Variants in SEC23IP observed in about 807,000 individuals in gnomAD.
SEC23IP encodes the protein SEC23 interacting protein.
Under a neutral mutation model 113.4 loss-of-function variants are expected in SEC23IP, and 70 were observed. That is an observed-to-expected ratio of 0.62 (90% CI 0.51 to 0.75). The LOEUF (loss-of-function observed/expected upper bound fraction) is 0.75. Ranked by LOEUF, SEC23IP falls within the 30% of genes least tolerant of loss-of-function variation. SEC23IP has a pLI of 0.00. For synonymous variants in SEC23IP, 398 were observed against 421.0 expected, an observed-to-expected ratio of 0.95 and a Z score of 0.67; for missense variants, 1,160 against 1,204.9, an observed-to-expected ratio of 0.96 and a Z score of 0.55.
Position 119,898,809 on chromosome 10 carries a change from A to G in SEC23IP, c.546A>G (p.Pro182=), listed in dbSNP as rs567147485. The G allele has an allele frequency of 5.6e-6, 9 of 1,614,156 alleles. No homozygotes were observed. Among genetic ancestry groups the G allele is most frequent in the African/African-American group, 4.0e-5 (3 of 75,052 alleles). Residue 182 remains proline, a synonymous_variant, in exon 2 of 19, where the codon CCA becomes CCG. Transcript: ENST00000369075. ...PQGIPQPGYN[P]YRHTPGSSRA... is the part of the protein sequence containing the mutation. ...GAATTCCCCAACCAGGATACAATCCATATCGCCATACCCCTGGCAGCAGCA... is the reference window on the plus strand; with the variant it reads ...GAATTCCCCAACCAGGATACAATCCGTATCGCCATACCCCTGGCAGCAGCA...
At chr10:119,911,607 C>T (rs926372820) in intron 5 of SEC23IP, among the ~76,000 whole-genome samples, 1 of 152,076 alleles carries the variant, frequency 6.6e-6, no homozygotes, top group Non-Finnish European at 1.5e-5. Flanking sequence ...TCCTGAGAAG[C>T]TGGTTCTGCA....
intron 8 of SEC23IP, among the ~76,000 whole-genome samples, chr10:119,917,110 C>T (rs1855076730): frequency 1.3e-5 from 2 of 152,216 alleles, no homozygotes; most frequent in Non-Finnish European, 2.9e-5. Flanking sequence ...CTCAAGCGGT[C>T]CTCCTGCCCT....
intron 13 of SEC23IP, among the ~76,000 whole-genome samples, 169 bp from the exon 14 acceptor site, chr10:119,929,438 G>T (rs1855521570): frequency 2.0e-5 from 3 of 152,086 alleles, no homozygotes; most frequent in Non-Finnish European, 4.4e-5. Flanking sequence ...GTTTCACTGT[G>T]TTAGCCAGGA....
Position 119,919,584 on chromosome 10 carries a change from T to C in SEC23IP, c.2013T>C (p.Asp671=), listed in dbSNP as rs1275391438. Residue 671 remains aspartate, a synonymous_variant, in exon 11 of 19, where the codon GAT becomes GAC. Transcript: ENST00000369075. ...GCACTTTTGAAAAGGAAAAGATTGA[T>C]ATGGAGTCCCTGGTACTGATCATAG... ...YFSTFEKEKI[D]MESLLMCTVD... is the part of the protein sequence containing the mutation. 6.2e-7 allele frequency: 1 copy of C among 1,612,480 alleles called. No homozygotes were observed. Among genetic ancestry groups the C allele is most frequent in the Non-Finnish European group, 8.5e-7 (1 of 1,179,526 alleles).
chr10:119,894,917 T>A lies in SEC23IP; in HGVS notation c.163+1972T>A, dbSNP rs551085631. Among the ~76,000 whole-genome samples, 611 of 151,668 alleles carry A rather than the reference T, an allele frequency of 4.0e-3. 5 individuals carry two copies. The highest frequency in any genetic ancestry group is 0.014 in the African/African-American group (575 of 41,234). ...CTGTGTGTGTGTGTGTGTGTGTGTG[T>A]GTGTGTGTGTGTGTGTGTGAATATT... On this transcript the variant is annotated intron_variant, in intron 1 of 18. Coordinates refer to ENST00000369075, the MANE Select transcript of SEC23IP (RefSeq NM_007190.4).
rs1273514364 is a variant in SEC23IP, at chr10:119,904,404, G to C, written c.1101+127G>C. ...ACAGCTTGTTTTGATGCTGTTCACA[G>C]AGAAGATTACTTTTTAAGTGGTGTC... On this transcript the variant is annotated intron_variant, in intron 4 of 18. Coordinates refer to ENST00000369075, the MANE Select transcript of SEC23IP (RefSeq NM_007190.4). The C allele has an allele frequency of 7.8e-6, 6 of 772,984 alleles. No individual in the cohort carries two copies. In the South Asian group the frequency reaches 8.8e-5, roughly 11 times the overall value. 47.9% of individuals were successfully genotyped at this position (772,984 alleles called of 1,614,324 possible).
At chr10:119,933,861 G>T in intron 18 of SEC23IP, 74 bp downstream of exon 18, 1 of 709,542 alleles carries the variant, frequency 1.4e-6, no homozygotes, top group South Asian at 2.6e-5. Flanking sequence ...AGTTGATGTT[G>T]ACTGATTTTG....
At chr10:119,895,742 T>A (rs1854260548) in intron 1 of SEC23IP, among the ~76,000 whole-genome samples, 1 of 152,092 alleles carries the variant, frequency 6.6e-6, no homozygotes, top group Admixed American at 6.5e-5. Flanking sequence ...ATCTTCAGAT[T>A]TGGCAGGAGT....
chr10:119,939,834 C>G (rs1855907936), intron 18 of SEC23IP, among the ~76,000 whole-genome samples: 1 of 151,918 alleles, frequency 6.6e-6, no homozygotes, highest in Admixed American at 6.6e-5. Flanking sequence ...AGGCTGGGAC[C>G]ACAGGTGTGC....
chr10:119,944,557 A>G lies in SEC23IP; in HGVS notation c.*3992A>G, dbSNP rs566124383. 2 of 152,350 alleles carry G rather than the reference A, an allele frequency of 1.3e-5. No homozygotes were observed. Among genetic ancestry groups the G allele is most frequent in the South Asian group, 2.1e-4 (1 of 4,820 alleles). The allele number at this position is 152,350 out of a possible 1,614,324, so 9.4% of individuals were successfully genotyped here. A position where few individuals can be genotyped will look rare whatever the true frequency, so the allele number is the denominator to read the frequency against. On this transcript the variant is annotated 3_prime_UTR_variant, in exon 19 of 19. Transcript: ENST00000369075. ...ACGCGAGGTTGGAAAGAACATCACA[A>G]CTGGGGCGACTGAAGAAATTATGTT... is the stretch of plus-strand genomic sequence containing the variant.
chr10:119,922,326 G>T lies in SEC23IP; in HGVS notation c.2121+1342G>T, dbSNP rs551929850. On this transcript the variant is annotated intron_variant, in intron 12 of 18. Transcript: ENST00000369075. Reference sequence around the variant, plus strand: ...AGCTGGAAACTGGGAAGGGCAGAGGGTTCCAAAGGCCCAGGTGGCAGGTGT... The same window carrying T: ...AGCTGGAAACTGGGAAGGGCAGAGGTTTCCAAAGGCCCAGGTGGCAGGTGT... 1.2e-4 allele frequency among the ~76,000 whole-genome samples: 18 copies of T among 152,238 alleles called. No homozygotes were observed. In the East Asian group the frequency reaches 3.5e-3, roughly 29 times the overall value.
In SEC23IP at chr10:119,943,797, A is replaced by G. The variant is rs1470452220; in HGVS notation, c.*3232A>G. On this transcript the variant is annotated 3_prime_UTR_variant, in exon 19 of 19. Coordinates refer to ENST00000369075, the MANE Select transcript of SEC23IP (RefSeq NM_007190.4). ...AATATATGAAATTTTATGATGACAC[A>G]TAAAACAGGCCAGGGGTTATTGAGG... 1 of 152,196 alleles carries G rather than the reference A, an allele frequency of 6.6e-6. No individual in the cohort carries two copies. The highest frequency in any genetic ancestry group is 2.4e-5 in the African/African-American group (1 of 41,438). The allele number at this position is 152,196 out of a possible 1,614,324, so 9.4% of individuals were successfully genotyped here. A position where few individuals can be genotyped will look rare whatever the true frequency, so the allele number is the denominator to read the frequency against.
intron 5 of SEC23IP, among the ~76,000 whole-genome samples, chr10:119,909,857 GC>G (rs1854802702): frequency 6.6e-6 from 1 of 152,214 alleles, no homozygotes; most frequent in African/African-American, 2.4e-5. Flanking sequence ...GCTCACTCCA[GC>G]CTGGGTGACA....
chr10:119,909,450 G>A (rs940108030), intron 5 of SEC23IP, among the ~76,000 whole-genome samples: 1 of 152,144 alleles, frequency 6.6e-6, no homozygotes, highest in African/African-American at 2.4e-5. Flanking sequence ...GCTGGGTGTA[G>A]TGGCACATGC....
intron 6 of SEC23IP, 142 bp downstream of exon 6, chr10:119,912,306 T>G: frequency 1.1e-6 from 1 of 943,612 alleles, no homozygotes; most frequent in Non-Finnish European, 1.6e-6. Context: ...CTAATATTTC[T>G]ATTTTTTGTA....
chr10:119,897,324 A>C (rs551266070), intron 1 of SEC23IP, among the ~76,000 whole-genome samples: 2 of 152,248 alleles, frequency 1.3e-5, no homozygotes, highest in East Asian at 3.8e-4. Context: ...AGATGCTTTT[A>C]TTTTACAACT....
chr10:119,915,299 A>G lies in SEC23IP; in HGVS notation c.1403-449A>G, dbSNP rs143056994. 2.2e-3 allele frequency among the ~76,000 whole-genome samples: 340 copies of G among 152,268 alleles called. 1 individual carries two copies. Among genetic ancestry groups the G allele is most frequent in the African/African-American group, 6.9e-3 (288 of 41,552 alleles). ...ACCCTCACAAATAAACCTTTGGGGT[A>G]TAGGCGCTGTCACTGTTATCGCCAC... is the stretch of plus-strand genomic sequence containing the variant. On this transcript the variant is annotated intron_variant, in intron 7 of 18. Transcript: ENST00000369075.
intron 3 of SEC23IP, among the ~76,000 whole-genome samples, chr10:119,903,744 G>A (rs904783593): frequency 6.6e-5 from 10 of 152,132 alleles, no homozygotes; most frequent in Admixed American, 2.0e-4. Flanking sequence ...ATTTTCTTGA[G>A]ACAGAGTCTC....
rs763678111 is a variant in SEC23IP at position 119,933,083 on chromosome 10, G to A, written c.2837G>A (p.Arg946His). ...LGKVGMLNGGRRIDYVLQEKP... is the reference protein window; with the variant it reads ...LGKVGMLNGGHRIDYVLQEKP... ...AAGGTTGGAATGTTAAATGGAGGCC[G>A]CCGAATTGACTACGTTCTCCAAGAA... The change falls in exon 17 of 19, where the codon CGC (arginine) becomes CAC (histidine). Residue 946 changes from arginine to histidine, a missense_variant. Arg to His is a conservative substitution (Grantham distance 29). Coordinates refer to ENST00000369075, the MANE Select transcript of SEC23IP (RefSeq NM_007190.4). 10 of 1,613,668 alleles carry A rather than the reference G, an allele frequency of 6.2e-6. No individual in the cohort carries two copies. Among genetic ancestry groups the A allele is most frequent in the East Asian group, 2.2e-5 (1 of 44,892 alleles).
Sources: gnomAD v4.1 joint callset for allele counts (sites outside exome capture counted in the v4.1 genomes callset) on GRCh38, gnomAD v4.1.1 for gene constraint, MANE v1.5 for transcripts, NCBI Gene and HGNC (gene_info 2026-07-23, HGNC 2026-07-21) for gene names.